Variants in PTPRJ observed in about 807,000 individuals in gnomAD.
PTPRJ encodes receptor-type tyrosine-protein phosphatase eta.
Under a neutral mutation model 141.3 loss-of-function variants are expected in PTPRJ, and 129 were observed. The observed-to-expected ratio is 0.91, with a 90% CI of 0.79 to 1.06. PTPRJ has a LOEUF of 1.06. Among genes scored for constraint, PTPRJ ranks in the 50% least tolerant of loss-of-function variants. PTPRJ has a pLI of 0.00. For missense variants in PTPRJ, 1,601 were observed against 1,679.7 expected (o/e 0.95, Z 0.82); for synonymous variants, 610 against 640.5 (o/e 0.95, Z 0.72).
At chr11:48,052,615 A>G (rs898023502) in intron 1 of PTPRJ, among the ~76,000 whole-genome samples, 1 of 152,100 alleles carries the variant, frequency 6.6e-6, no homozygotes, top group African/African-American at 2.4e-5. Flanking sequence ...CTTCATTGAT[A>G]CTTTTAAGGG....
At chr11:48,051,084 CTTTTTTTTTTTTTTTTTTTTT>C (rs59987198) in intron 1 of PTPRJ, among the ~76,000 whole-genome samples, 5 of 79,310 alleles carry the variant, frequency 6.3e-5, no homozygotes, top group African/African-American at 2.9e-4. Context: ...TAACTGATGA[CTTTTTTTTTTTTTTTTTTTTT>C]TTTTTTTTGA....
At chr11:48,021,361 C>T (rs1014787546) in intron 1 of PTPRJ, among the ~76,000 whole-genome samples, 3 of 147,682 alleles carry the variant, frequency 2.0e-5, no homozygotes, top group African/African-American at 7.5e-5. Flanking sequence ...GCGGCAAGAG[C>T]AAGACTCCGT....
intron 1 of PTPRJ, among the ~76,000 whole-genome samples, chr11:48,041,414 G>A (rs997883779): frequency 2.6e-5 from 4 of 152,082 alleles, no homozygotes; most frequent in African/African-American, 9.7e-5. Flanking sequence ...TTTATTTATT[G>A]TTAACCCACG....
At chr11:48,123,948 C>A in intron 5 of PTPRJ, 78 bp downstream of exon 5, 1 of 1,454,462 alleles carries the variant, frequency 6.9e-7, no homozygotes, top group Non-Finnish European at 9.3e-7. Flanking sequence ...AAATAAATTG[C>A]TCTTCCATGT....
chr11:48,090,782 T>C (rs1366604790), intron 1 of PTPRJ, among the ~76,000 whole-genome samples: 1 of 152,162 alleles, frequency 6.6e-6, no homozygotes, highest in Non-Finnish European at 1.5e-5. Flanking sequence ...TCTTTGGTTC[T>C]CTCAGGTGCC....
At chr11:48,091,782 T>C (rs1444940402) in intron 1 of PTPRJ, among the ~76,000 whole-genome samples, 2 of 152,200 alleles carry the variant, frequency 1.3e-5, no homozygotes, top group Non-Finnish European at 2.9e-5. Context: ...CCTTGCTCTT[T>C]ATGCAGGACT....
intron 1 of PTPRJ, among the ~76,000 whole-genome samples, chr11:47,984,557 ATTTG>A (rs1853996702): frequency 6.6e-6 from 1 of 150,658 alleles, no homozygotes; most frequent in Non-Finnish European, 1.5e-5. Flanking sequence ...GTTCTTGTTT[ATTTG>A]TTTGTTTTTT....
intron 21 of PTPRJ, among the ~76,000 whole-genome samples, chr11:48,159,161 G>GTGTGTGTGT (rs60389100): frequency 8.4e-5 from 11 of 130,498 alleles, no homozygotes; most frequent in South Asian, 2.7e-4. Context: ...GTGTGTGTGT[G>GTGTGTGTGT]GTCATTTGCC....
intron 3 of PTPRJ, among the ~76,000 whole-genome samples, chr11:48,117,909 A>G (rs1326044586): frequency 6.6e-6 from 1 of 152,246 alleles, no homozygotes; most frequent in East Asian, 1.9e-4. Flanking sequence ...AGAAATACAA[A>G]GGAACAATTA....
rs747811509 is a variant in PTPRJ at position 48,112,736 on chromosome 11, T to C, written c.116-11T>C. ...ATATTTTTAATCTAATTGTTTACTT[T>C]CTTTGCATAGCCCCTAGTCCAATTC... On this transcript the variant is annotated splice_polypyrimidine_tract_variant and intron_variant, in intron 2 of 24. Transcript: ENST00000418331. 1.6e-5 allele frequency: 26 copies of C among 1,583,960 alleles called. No individual in the cohort carries two copies. Among genetic ancestry groups the C allele is most frequent in the Middle Eastern group, 1.7e-4 (1 of 6,028 alleles).
At chr11:48,042,601 C>T (rs1463465855) in intron 1 of PTPRJ, among the ~76,000 whole-genome samples, 1 of 152,140 alleles carries the variant, frequency 6.6e-6, no homozygotes, top group East Asian at 1.9e-4. Flanking sequence ...ATCCCTTCCT[C>T]CCCTCCACTC....
In PTPRJ at chr11:48,150,010, CT is replaced by C. The variant is rs200710996; in HGVS notation, c.3050+15del. The C allele has an allele frequency of 1.2e-5, 18 of 1,497,678 alleles. No homozygotes were observed. In the African/African-American group the frequency reaches 2.5e-4, roughly 21 times the overall value. The allele number at this position is 1,497,678 out of a possible 1,614,324, so 92.8% of individuals were successfully genotyped here. A position where few individuals can be genotyped will look rare whatever the true frequency, so the allele number is the denominator to read the frequency against. The stretch of plus-strand genomic sequence containing the variant: ...TGAAGACCTAAAAAGTGAGTAATCT[CT>C]TTATTTTTTTTAATAACTTGTACTT... On this transcript the variant is annotated intron_variant, in intron 17 of 24. Transcript: ENST00000418331.
intron 1 of PTPRJ, among the ~76,000 whole-genome samples, chr11:48,006,176 C>G (rs1854615736): frequency 6.6e-6 from 1 of 152,176 alleles, no homozygotes; most frequent in Non-Finnish European, 1.5e-5. Context: ...TTGGTGCAGC[C>G]TATGTGACCT....
chr11:48,018,801 GT>G (rs1225642078), intron 1 of PTPRJ, among the ~76,000 whole-genome samples: 2 of 152,144 alleles, frequency 1.3e-5, no homozygotes, highest in Non-Finnish European at 2.9e-5. Flanking sequence ...TTCCTGCTTT[GT>G]TCTCTCCCAG....
intron 1 of PTPRJ, among the ~76,000 whole-genome samples, chr11:48,032,402 G>A (rs2134226055): frequency 6.6e-6 from 1 of 152,322 alleles, no homozygotes; most frequent in Middle Eastern, 3.4e-3. Context: ...TTTCAAGTTA[G>A]GCCTCAGATG....
chr11:48,163,634 G>T lies in PTPRJ; in HGVS notation c.3719+16G>T. ...TGCATTGCAGGTACGCAGATGGCAC[G>T]TCACGTGTGACAGATTTCAAATGTC... On this transcript the variant is annotated intron_variant, in intron 23 of 24. Coordinates refer to ENST00000418331, the MANE Select transcript of PTPRJ (RefSeq NM_002843.4). The T allele has an allele frequency of 1.9e-6, 3 of 1,603,738 alleles. No homozygotes were observed. The highest frequency in any genetic ancestry group is 4.5e-5 in the East Asian group (2 of 44,816).
intron 3 of PTPRJ, among the ~76,000 whole-genome samples, chr11:48,116,115 A>T (rs1002378436): frequency 2.0e-5 from 3 of 151,340 alleles, no homozygotes; most frequent in African/African-American, 7.3e-5. Flanking sequence ...ATCAAAAGAC[A>T]TAGAGTGCGT....
chr11:48,116,145 A>C (rs1435927015), intron 3 of PTPRJ, among the ~76,000 whole-genome samples: 1 of 151,906 alleles, frequency 6.6e-6, no homozygotes, highest in East Asian at 1.9e-4. Flanking sequence ...AAAAAAAAAA[A>C]CCGATCTCAA....
chr11:48,029,734 T>C (rs1458955254), intron 1 of PTPRJ, among the ~76,000 whole-genome samples: 1 of 152,244 alleles, frequency 6.6e-6, no homozygotes, highest in Non-Finnish European at 1.5e-5. Flanking sequence ...TGGGTTTTTT[T>C]TGAGGAGGAT....
Sources: allele counts gnomAD v4.1 joint callset (sites outside exome capture counted in the v4.1 genomes callset), GRCh38; gene constraint gnomAD v4.1.1; transcripts MANE v1.5; gene names NCBI Gene and HGNC (gene_info 2026-07-23, HGNC 2026-07-21).